The following PPP3CA variants were observed in gnomAD, a reference collection of about 807,000 sequenced individuals.
PPP3CA encodes CAM-PRP catalytic subunit.
PPP3CA carries 14 observed loss-of-function variants against 66.5 expected under a neutral mutation model. The observed-to-expected ratio is 0.21, with a 90% CI of 0.14 to 0.33. The LOEUF (loss-of-function observed/expected upper bound fraction) is 0.33, where lower values mean the gene tolerates loss of function less well. PPP3CA is among the 10% of genes least tolerant of loss of function. PPP3CA has a pLI of 1.00. For synonymous variants in PPP3CA, 232 were observed against 226.2 expected (o/e 1.03, Z -0.23); for missense variants, 317 against 639.5 (o/e 0.50, Z 5.44).
intron 2 of PPP3CA, among the ~76,000 whole-genome samples, chr4:101,126,250 G>C (rs1722243416): frequency 6.6e-6 from 1 of 152,150 alleles, no homozygotes; most frequent in African/African-American, 2.4e-5. Flanking sequence ...CATGACTCAT[G>C]TCTCTGAATA....
chr4:101,170,309 C>G (rs746554018), intron 2 of PPP3CA, among the ~76,000 whole-genome samples: 2 of 151,846 alleles, frequency 1.3e-5, no homozygotes, highest in South Asian at 4.1e-4. Flanking sequence ...GAAAATCTCC[C>G]ATAGAGATCC....
At chr4:101,060,039 A>T (rs1294688939) in intron 10 of PPP3CA, among the ~76,000 whole-genome samples, 1 of 152,072 alleles carries the variant, frequency 6.6e-6, no homozygotes, top group Admixed American at 6.6e-5. Flanking sequence ...TTTCAATCTG[A>T]GGTTGTTTGA....
rs572615256 is a variant in PPP3CA, at chr4:101,086,762, AT to A, written c.783-3500del. ...CTTATCATGTTGTAGTGTAAATTAT[AT>A]TTCTACTTCTGTGCTCCAGCAATAG... is the stretch of plus-strand genomic sequence containing the variant. On this transcript the variant is annotated intron_variant, in intron 6 of 13. Coordinates refer to ENST00000394854, the MANE Select transcript of PPP3CA (RefSeq NM_000944.5). 2.0e-5 allele frequency among the ~76,000 whole-genome samples: 3 copies of A among 152,290 alleles called. No homozygotes were observed. In the South Asian group the frequency reaches 6.2e-4, roughly 32 times the overall value.
chr4:101,236,421 C>T (rs1404452632), intron 1 of PPP3CA, among the ~76,000 whole-genome samples: 1 of 151,870 alleles, frequency 6.6e-6, no homozygotes, highest in East Asian at 1.9e-4. Flanking sequence ...TTGGTGAGGA[C>T]ACCATCTGTG....
intron 5 of PPP3CA, among the ~76,000 whole-genome samples, chr4:101,095,474 T>A (rs555026491): frequency 6.6e-6 from 1 of 152,240 alleles, no homozygotes; most frequent in Non-Finnish European, 1.5e-5. Flanking sequence ...TTTCTGGCCA[T>A]GTGCAGAGCT....
chr4:101,174,255 T>C (rs576566331), intron 2 of PPP3CA, among the ~76,000 whole-genome samples: 4 of 152,328 alleles, frequency 2.6e-5, no homozygotes, highest in Non-Finnish European at 5.9e-5. Flanking sequence ...TCCTTCAGTA[T>C]TGCTTAAAAT....
At chr4:101,334,386 G>A (rs550936897) in intron 1 of PPP3CA, among the ~76,000 whole-genome samples, 6 of 152,028 alleles carry the variant, frequency 3.9e-5, no homozygotes, top group East Asian at 3.9e-4. Flanking sequence ...CCACCCACCC[G>A]GCCTCCCAAA....
intron 6 of PPP3CA, among the ~76,000 whole-genome samples, chr4:101,090,763 T>C (rs1404554485): frequency 1.3e-5 from 2 of 151,314 alleles, no homozygotes; most frequent in Non-Finnish European, 2.9e-5. Flanking sequence ...GTAGACTTTA[T>C]TCTAAATATA....
chr4:101,282,329 G>C (rs970713565), intron 1 of PPP3CA, among the ~76,000 whole-genome samples: 3 of 152,172 alleles, frequency 2.0e-5, no homozygotes, highest in African/African-American at 7.2e-5. Flanking sequence ...AATGACAAAG[G>C]TGATTAGATG....
intron 2 of PPP3CA, among the ~76,000 whole-genome samples, chr4:101,118,980 A>T (rs1394164326): frequency 2.4e-5 from 3 of 125,582 alleles, no homozygotes; most frequent in African/African-American, 8.2e-5. Flanking sequence ...TTTTTTTTTT[A>T]AACAATGAAG....
At chr4:101,341,453 T>C (rs1269368578) in intron 1 of PPP3CA, among the ~76,000 whole-genome samples, 1 of 152,206 alleles carries the variant, frequency 6.6e-6, no homozygotes, top group Admixed American at 6.5e-5. Context: ...TAAGCTACTC[T>C]TGACCCAAGG....
At chr4:101,038,151 A>G (rs1015844425) in intron 11 of PPP3CA, among the ~76,000 whole-genome samples, 5 of 152,168 alleles carry the variant, frequency 3.3e-5, no homozygotes, top group Non-Finnish European at 5.9e-5. Flanking sequence ...TGCCATTGAT[A>G]GTGCTCTTAG....
chr4:101,186,518 A>C (rs1276605058), intron 2 of PPP3CA, among the ~76,000 whole-genome samples: 1 of 152,130 alleles, frequency 6.6e-6, no homozygotes, highest in African/African-American at 2.4e-5. Context: ...CCACCCTTGC[A>C]TATATTTGGC....
chr4:101,256,009 ATAGT>A (rs893474857), intron 1 of PPP3CA, among the ~76,000 whole-genome samples: 1 of 151,956 alleles, frequency 6.6e-6, no homozygotes, highest in Non-Finnish European at 1.5e-5. Context: ...TGGTCATTAG[ATAGT>A]TAAAGTAATT....
intron 1 of PPP3CA, among the ~76,000 whole-genome samples, chr4:101,219,132 CTTT>C (rs1725545158): frequency 6.6e-6 from 1 of 151,964 alleles, no homozygotes; most frequent in Admixed American, 6.6e-5. Context: ...GTGACTGGGG[CTTT>C]ATTGTCAAAG....
At chr4:101,277,822 G>C (rs1163446427) in intron 1 of PPP3CA, among the ~76,000 whole-genome samples, 1 of 152,102 alleles carries the variant, frequency 6.6e-6, no homozygotes, top group Non-Finnish European at 1.5e-5. Flanking sequence ...AGTGGTCTAA[G>C]AGTGTTCAGG....
chr4:101,038,099 T>TG (rs1386740489), intron 11 of PPP3CA, among the ~76,000 whole-genome samples: 1 of 152,148 alleles, frequency 6.6e-6, no homozygotes, highest in African/African-American at 2.4e-5. Context: ...GTGCATAACA[T>TG]GGGGCATGAA....
chr4:101,025,266 T>C lies in PPP3CA; in HGVS notation c.*599A>G, dbSNP rs534422292. ...CAAAATTAAACTGTCCTTTTTGGCA[T>C]TTTAACAAATTTGCAACGTTCTTTT... On this transcript the variant is annotated 3_prime_UTR_variant, in exon 14 of 14. Transcript: ENST00000394854. The C allele has an allele frequency of 6.6e-6, 1 of 151,976 alleles. No individual in the cohort carries two copies. Among genetic ancestry groups the C allele is most frequent in the South Asian group, 2.1e-4 (1 of 4,802 alleles). The allele number at this position is 151,976 out of a possible 1,614,324, so 9.4% of individuals were successfully genotyped here.
chr4:101,177,854 A>G (rs1018676668), intron 2 of PPP3CA, among the ~76,000 whole-genome samples: 4 of 151,990 alleles, frequency 2.6e-5, no homozygotes, highest in African/African-American at 7.2e-5. Context: ...CAATTCCTAT[A>G]ACAATGACTA....
Sources: allele counts gnomAD v4.1 joint callset (sites outside exome capture counted in the v4.1 genomes callset), GRCh38; gene constraint gnomAD v4.1.1; transcripts MANE v1.5; gene names NCBI Gene and HGNC (gene_info 2026-07-23, HGNC 2026-07-21).